TRMT11: variants seen among roughly 807,000 people sequenced by gnomAD.
TRMT11 encodes tRNA (guanine(10)-N(2))-methyltransferase TRMT11.
A neutral mutation model predicts 62.8 loss-of-function variants in TRMT11; 53 were observed. The observed-to-expected ratio is 0.84, with a 90% confidence interval of 0.68 to 1.06. The LOEUF is 1.06. TRMT11 is among the 50% of genes least tolerant of loss of function. The pLI is 0.00. For synonymous variants in TRMT11, 188 were observed against 190.3 expected, an observed-to-expected ratio of 0.99 and a Z score of 0.10; for missense variants, 556 against 553.4, an observed-to-expected ratio of 1.00 and a Z score of -0.05.
chr6:126,159,475 G>A (rs1267673778), intron 21 of TRMT11, among the ~76,000 whole-genome samples: 1 of 152,138 alleles, frequency 6.6e-6, no homozygotes, highest in African/African-American at 2.4e-5. Context: ...TTCCCTAGAG[G>A]ATAGCAGAGC....
intron 2 of TRMT11, among the ~76,000 whole-genome samples, chr6:125,994,156 T>A (rs1341291318): frequency 2.0e-5 from 3 of 152,220 alleles, no homozygotes; most frequent in Non-Finnish European, 2.9e-5. Flanking sequence ...GAGAATCATT[T>A]TAAAATTTGA....
chr6:126,152,052 CTTTCTTTTT>C (rs1778065236), intron 21 of TRMT11, among the ~76,000 whole-genome samples: 2 of 99,120 alleles, frequency 2.0e-5, no homozygotes, highest in South Asian at 7.3e-4. Flanking sequence ...TCTCTCTTTT[CTTTCTTTTT>C]TTTCTGTTAC....
intron 12 of TRMT11, among the ~76,000 whole-genome samples, chr6:126,036,483 G>T (rs1385829023): frequency 6.6e-6 from 1 of 152,130 alleles, no homozygotes; most frequent in South Asian, 2.1e-4. Flanking sequence ...GTGGAGAGAA[G>T]TGGATTTGAG....
At chr6:126,151,817 T>TCTTTCTTTAGTTTC (rs761478024) in intron 21 of TRMT11, among the ~76,000 whole-genome samples, 3,622 of 116,368 alleles carry the variant, frequency 0.031, 158 homozygotes, top group Non-Finnish European at 0.046. Flanking sequence ...TTTCTTTCTT[T>TCTTTCTTTAGTTTC]CTTTCTTTCT....
chr6:126,000,959 A>C (rs1180043606), intron 7 of TRMT11, among the ~76,000 whole-genome samples: 1 of 152,156 alleles, frequency 6.6e-6, no homozygotes, highest in Non-Finnish European at 1.5e-5. Flanking sequence ...ATGTATCCTT[A>C]ACTTAGCTGT....
intron 17 of TRMT11, among the ~76,000 whole-genome samples, chr6:126,101,489 A>G (rs927372736): frequency 6.6e-6 from 1 of 152,208 alleles, no homozygotes; most frequent in Admixed American, 6.5e-5. Flanking sequence ...ACCAATGTGC[A>G]GAGAGGTTAT....
upstream of TRMT11, among the ~76,000 whole-genome samples, chr6:126,176,842 A>G (rs1326048107): frequency 6.6e-6 from 1 of 152,214 alleles, no homozygotes; most frequent in Non-Finnish European, 1.5e-5. Context: ...AATACTTGAC[A>G]GCTTGATATA....
At chr6:126,136,200 A>AT (rs1777847639) in intron 21 of TRMT11, among the ~76,000 whole-genome samples, 1 of 151,202 alleles carries the variant, frequency 6.6e-6, no homozygotes, top group African/African-American at 2.4e-5. Flanking sequence ...TCAAATTATT[A>AT]TTATTTTTTT....
intron 17 of TRMT11, among the ~76,000 whole-genome samples, chr6:126,111,824 ATCT>A (rs1777535742): frequency 6.6e-6 from 1 of 151,242 alleles, no homozygotes; most frequent in African/African-American, 2.5e-5. Context: ...CTTACATGAA[ATCT>A]TCTTTGCCTT....
At chr6:126,246,357 T>C in the TRMT11 span, among the ~76,000 whole-genome samples, 1 of 152,168 alleles carries the variant, frequency 6.6e-6, no homozygotes, top group Non-Finnish European at 1.5e-5. Flanking sequence ...TCATTCTAGA[T>C]CCCTTCAGCT....
rs755439525 is a variant in TRMT11, at chr6:126,011,502, G to A, written c.925+85G>A. 1.1e-4 allele frequency: 122 copies of A among 1,130,846 alleles called. No homozygotes were observed. The Middle Eastern group carries it at 1.4e-3, about 13-fold the overall frequency. 70.1% of individuals were successfully genotyped at this position (1,130,846 alleles called of 1,614,324 possible). ...TAAAGTACAAAATTTACCAACACAT[G>A]CACAAAATGCCAACTTGTCAGTATT... On this transcript the variant is annotated intron_variant, in intron 9 of 12. Transcript: ENST00000334379.
intron 2 of TRMT11, among the ~76,000 whole-genome samples, chr6:125,995,632 T>C (rs1791376881): frequency 6.6e-6 from 1 of 152,144 alleles, no homozygotes; most frequent in African/African-American, 2.4e-5. Context: ...ATAGCTGTAT[T>C]ATAAGGGATG....
intron 12 of TRMT11, among the ~76,000 whole-genome samples, chr6:126,021,970 A>G (rs896416767): frequency 1.3e-5 from 2 of 151,822 alleles, no homozygotes; most frequent in Non-Finnish European, 2.9e-5. Flanking sequence ...AATTCACTGG[A>G]AACTTGGATG....
chr6:125,998,479 T>C, intron 5 of TRMT11, 71 bp from the exon 6 acceptor site: 2 of 1,485,072 alleles, frequency 1.3e-6, no homozygotes, highest in Admixed American at 2.1e-5. Flanking sequence ...TACAAGGTAA[T>C]GTTATTAGAT....
chr6:125,995,180 T>C lies in TRMT11; in HGVS notation c.139-787T>C, dbSNP rs147861671. Among the ~76,000 whole-genome samples, 64 of 152,226 alleles carry C rather than the reference T, an allele frequency of 4.2e-4. 2 individuals carry two copies. In the East Asian group the frequency reaches 0.012, roughly 29 times the overall value. On this transcript the variant is annotated intron_variant, in intron 2 of 12. Transcript: ENST00000334379. ...AAAAAGCTAGGTGTGACAGGAAGGA[T>C]TTCTTGCAAAAGATGAAAGAGCTAA...
the TRMT11 span, among the ~76,000 whole-genome samples, chr6:126,247,078 A>G: frequency 6.6e-6 from 1 of 152,098 alleles, no homozygotes; most frequent in African/African-American, 2.4e-5. Flanking sequence ...GTCTAGGTGT[A>G]TGGTTGTTCT....
upstream of TRMT11, among the ~76,000 whole-genome samples, chr6:126,172,253 G>T (rs559899680): frequency 7.9e-5 from 12 of 152,196 alleles, no homozygotes; most frequent in East Asian, 1.7e-3. Flanking sequence ...CTGTCATTGT[G>T]GGGGGATTGC....
At chr6:125,988,134 C>T (rs1366032436) in intron 1 of TRMT11, among the ~76,000 whole-genome samples, 1 of 152,162 alleles carries the variant, frequency 6.6e-6, no homozygotes, top group Admixed American at 6.5e-5. Context: ...TTTTAGGAAG[C>T]AGGGACAAAT....
chr6:126,120,544 T>G (rs1275761476), intron 21 of TRMT11, among the ~76,000 whole-genome samples: 1 of 152,156 alleles, frequency 6.6e-6, no homozygotes, highest in Non-Finnish European at 1.5e-5. Flanking sequence ...TATAGCTATT[T>G]CCCAGTGGAT....
Sources: gnomAD v4.1 joint callset for allele counts (sites outside exome capture counted in the v4.1 genomes callset) on GRCh38, gnomAD v4.1.1 for gene constraint, MANE v1.5 for transcripts, NCBI Gene and HGNC (gene_info 2026-07-23, HGNC 2026-07-21) for gene names.